Variants in RAP1B observed in about 807,000 individuals in gnomAD.
RAP1B encodes the protein ras-related protein Rap-1b.
A neutral mutation model predicts 27.5 loss-of-function variants in RAP1B; 1 was observed. That is an observed-to-expected ratio of 0.04 (90% CI 0.01 to 0.17). The LOEUF (loss-of-function observed/expected upper bound fraction) is 0.17, where lower values mean the gene tolerates loss of function less well. Among genes scored for constraint, RAP1B ranks in the 10% least tolerant of loss-of-function variants. The pLI is 1.00. For missense variants in RAP1B, 84 were observed against 214.8 expected (o/e 0.39, Z 3.81); for synonymous variants, 75 against 73.1 (o/e 1.03, Z -0.13).
At chr12:68,653,389 A>G (rs998309792) in intron 4 of RAP1B, among the ~76,000 whole-genome samples, 1 of 152,180 alleles carries the variant, frequency 6.6e-6, no homozygotes, top group Non-Finnish European at 1.5e-5. Context: ...AAATGCTCAC[A>G]GTCTAGCAAA....
At chr12:68,629,353 TG>T (rs1872068424) in intron 1 of RAP1B, among the ~76,000 whole-genome samples, 1 of 152,184 alleles carries the variant, frequency 6.6e-6, no homozygotes, top group Non-Finnish European at 1.5e-5. Context: ...TGGAAGGACA[TG>T]GTAAGAGCTT....
chr12:68,626,579 CTTAT>C (rs1278968081), intron 1 of RAP1B, among the ~76,000 whole-genome samples: 4 of 152,004 alleles, frequency 2.6e-5, no homozygotes, highest in Non-Finnish European at 5.9e-5. Context: ...ATTTGAGTAG[CTTAT>C]TTAAAGTATT....
chr12:68,627,691 G>T (rs889219869), intron 1 of RAP1B, among the ~76,000 whole-genome samples: 2 of 152,046 alleles, frequency 1.3e-5, no homozygotes. Context: ...CTAACTAAAA[G>T]CGTCTTTTAT....
chr12:68,645,615 AC>A (rs1446115138), intron 1 of RAP1B, among the ~76,000 whole-genome samples: 2 of 152,252 alleles, frequency 1.3e-5, no homozygotes, highest in African/African-American at 4.8e-5. Context: ...CCCTACCAGC[AC>A]CACAAGCCAA....
intron 1 of RAP1B, among the ~76,000 whole-genome samples, chr12:68,625,673 C>T (rs1261222865): frequency 2.0e-5 from 3 of 152,144 alleles, no homozygotes; most frequent in Non-Finnish European, 4.4e-5. Flanking sequence ...GTAATCCCAA[C>T]ACTTTGGGAG....
intron 1 of RAP1B, among the ~76,000 whole-genome samples, 168 bp downstream of exon 1, chr12:68,611,211 C>G (rs1870546386): frequency 6.8e-6 from 1 of 146,584 alleles, no homozygotes; most frequent in African/African-American, 2.4e-5. Flanking sequence ...GGCGCGAGGG[C>G]CAGGCGCCGG....
chr12:68,652,088 T>G (rs117313852), intron 4 of RAP1B, 37 bp downstream of exon 4: 36,493 of 1,473,802 alleles, frequency 0.025, 511 homozygotes, highest in Non-Finnish European at 0.028. Context: ...ATACACCGTT[T>G]GTACAGTATT....
In RAP1B at chr12:68,667,969, T is replaced by C. The variant is rs899320606; in HGVS notation, c.*8720T>C. On this transcript the variant is annotated 3_prime_UTR_variant, in exon 8 of 8. Coordinates refer to ENST00000250559, the MANE Select transcript of RAP1B (RefSeq NM_001010942.3). ...AAGAGGACATCATTGGCCACTATCA[T>C]ACCACTAATTTTATTCCACCAATGC... 6.6e-6 allele frequency: 1 copy of C among 152,234 alleles called. No individual in the cohort carries two copies. The highest frequency in any genetic ancestry group is 2.4e-5 in the African/African-American group (1 of 41,458). 9.4% of individuals were successfully genotyped at this position (152,234 alleles called of 1,614,324 possible). A position where few individuals can be genotyped will look rare whatever the true frequency, so the allele number is the denominator to read the frequency against.
intron 1 of RAP1B, chr12:68,641,211 A>ATGT (rs201496390): frequency 0.019 from 2,889 of 152,402 alleles, 47 homozygotes; most frequent in Non-Finnish European, 0.025. Flanking sequence ...GGGTTTCACC[A>ATGT]TGTTGCCCGG....
At chr12:68,626,804 GT>G in intron 1 of RAP1B, 1 of 1,364,244 alleles carries the variant, frequency 7.3e-7, no homozygotes, top group Non-Finnish European at 1.0e-6. Context: ...TTGTTTGTTT[GT>G]TTTGGGTGGA....
rs1874533455 is a variant in RAP1B, at chr12:68,660,401, T to C, written c.*1152T>C. On this transcript the variant is annotated 3_prime_UTR_variant, in exon 8 of 8. Coordinates refer to ENST00000250559, the MANE Select transcript of RAP1B (RefSeq NM_001010942.3). ...GTATTTAAATTGACCAACCTAATGT[T>C]ACAACTACTTTGAGGTGGCCAAATG... is the stretch of plus-strand genomic sequence containing the variant. 1 of 152,018 alleles carries C rather than the reference T, an allele frequency of 6.6e-6. No homozygotes were observed. The highest frequency in any genetic ancestry group is 1.5e-5 in the Non-Finnish European group (1 of 67,870). The allele number at this position is 152,018 out of a possible 1,614,324, so 9.4% of individuals were successfully genotyped here.
At chr12:68,628,211 T>G (rs879549618) in intron 1 of RAP1B, among the ~76,000 whole-genome samples, 1 of 152,196 alleles carries the variant, frequency 6.6e-6, no homozygotes, top group Non-Finnish European at 1.5e-5. Context: ...GTACTTTAAC[T>G]TGAGATGGAA....
At chr12:68,650,855 C>T (rs948356958) in intron 3 of RAP1B, 1 of 153,082 alleles carries the variant, frequency 6.5e-6, no homozygotes, top group African/African-American at 2.4e-5. Flanking sequence ...GAAAGTGCCA[C>T]CACTCACAAT....
At chr12:68,626,746 G>A in intron 1 of RAP1B, 2 of 878,818 alleles carry the variant, frequency 2.3e-6, no homozygotes, top group African/African-American at 1.7e-5. Flanking sequence ...TAAGGAAGAG[G>A]GAAGGTAGTA....
Position 68,667,435 on chromosome 12 carries a change from T to C in RAP1B, c.*8186T>C, listed in dbSNP as rs763328072. The C allele has an allele frequency of 3.3e-5, 5 of 152,208 alleles. No homozygotes were observed. Among genetic ancestry groups the C allele is most frequent in the Non-Finnish European group, 7.3e-5 (5 of 68,028 alleles). The allele number at this position is 152,208 out of a possible 1,614,324, so 9.4% of individuals were successfully genotyped here. On this transcript the variant is annotated 3_prime_UTR_variant, in exon 8 of 8. Transcript: ENST00000250559. ...AAAAACTCATCTGGTTGGAATGAAG[T>C]ACACTGAACATTTGAGGAAGTTAGA...
chr12:68,638,124 T>C (rs1430651112), intron 1 of RAP1B, among the ~76,000 whole-genome samples: 2 of 152,228 alleles, frequency 1.3e-5, no homozygotes, highest in Non-Finnish European at 2.9e-5. Context: ...TGTTTTATAG[T>C]ACAGTCTGGT....
chr12:68,622,453 C>A (rs78992328), intron 1 of RAP1B, among the ~76,000 whole-genome samples: 1 of 152,336 alleles, frequency 6.6e-6, no homozygotes, highest in East Asian at 1.9e-4. Context: ...TTCTTGCTTA[C>A]TTCACAACTT....
Position 68,650,479 on chromosome 12 carries a change from C to A in RAP1B, c.126+11C>A. 6.8e-7 allele frequency: 1 copy of A among 1,480,606 alleles called. No homozygotes were observed. Among genetic ancestry groups the A allele is most frequent in the South Asian group, 1.4e-5 (1 of 73,176 alleles). 91.7% of individuals were successfully genotyped at this position (1,480,606 alleles called of 1,614,324 possible). On this transcript the variant is annotated intron_variant, in intron 3 of 7. Coordinates refer to ENST00000250559, the MANE Select transcript of RAP1B (RefSeq NM_001010942.3). ...GATTCTTATAGAAAGGTATATATTA[C>A]TTTGGAAGGCCTTTTGCTTTTGATT...
intron 1 of RAP1B, among the ~76,000 whole-genome samples, chr12:68,616,315 C>T (rs1195208909): frequency 4.0e-5 from 6 of 151,272 alleles, no homozygotes; most frequent in African/African-American, 7.3e-5. Flanking sequence ...GACAGAGTCT[C>T]GCTCTGTCAG....
Sources: allele counts gnomAD v4.1 joint callset (sites outside exome capture counted in the v4.1 genomes callset), GRCh38; gene constraint gnomAD v4.1.1; transcripts MANE v1.5; gene names NCBI Gene and HGNC (gene_info 2026-07-23, HGNC 2026-07-21).